The following FGF14 variants were observed in gnomAD, a reference collection of about 807,000 sequenced individuals.
FGF14 encodes the protein fibroblast growth factor 14, also known as fibroblast growth factor homologous factor 4.
Under a neutral mutation model 25.5 loss-of-function variants are expected in FGF14, and 5 were observed. That is an observed-to-expected ratio of 0.20 (90% CI 0.10 to 0.41). The LOEUF is 0.41. Among genes scored for constraint, FGF14 ranks in the 10% least tolerant of loss-of-function variants. FGF14 has a pLI of 1.00. For missense variants in FGF14, 222 were observed against 320.1 expected, an observed-to-expected ratio of 0.69 and a Z score of 2.34; for synonymous variants, 138 against 118.3, an observed-to-expected ratio of 1.17 and a Z score of -1.08.
intron 1 of FGF14, among the ~76,000 whole-genome samples, chr13:102,107,071 A>C (rs1234652330): frequency 2.0e-5 from 3 of 152,224 alleles, no homozygotes; most frequent in African/African-American, 7.2e-5. Context: ...GTTTGGGCTT[A>C]TTTGAACTTC....
chr13:102,045,487 A>C (rs553456778), intron 1 of FGF14, among the ~76,000 whole-genome samples: 21 of 152,252 alleles, frequency 1.4e-4, no homozygotes, highest in Admixed American at 8.5e-4. Context: ...AGGACAACTC[A>C]TTGTCTGATT....
At chr13:102,280,483 C>A (rs2053773858) in intron 1 of FGF14, among the ~76,000 whole-genome samples, 1 of 152,120 alleles carries the variant, frequency 6.6e-6, no homozygotes, top group Non-Finnish European at 1.5e-5. Context: ...AGAGGGCAAG[C>A]CATCAGTGAG....
chr13:101,948,571 C>G (rs758849703), intron 1 of FGF14, among the ~76,000 whole-genome samples: 1 of 151,674 alleles, frequency 6.6e-6, no homozygotes, highest in Admixed American at 6.6e-5. Flanking sequence ...ATCACAAATG[C>G]AAATATTAAA....
chr13:101,758,908 C>T (rs1210298335), intron 3 of FGF14, among the ~76,000 whole-genome samples: 1 of 152,162 alleles, frequency 6.6e-6, no homozygotes, highest in Non-Finnish European at 1.5e-5. Flanking sequence ...TGCTTTGAGA[C>T]AATCTGACTT....
intron 1 of FGF14, among the ~76,000 whole-genome samples, chr13:102,303,271 A>T (rs2055173170): frequency 6.6e-6 from 1 of 152,186 alleles, no homozygotes; most frequent in African/African-American, 2.4e-5. Context: ...TACACAAAAC[A>T]GCATCTGCTC....
chr13:102,020,403 C>G (rs2040574609), intron 1 of FGF14, among the ~76,000 whole-genome samples: 1 of 151,874 alleles, frequency 6.6e-6, no homozygotes, highest in African/African-American at 2.4e-5. Context: ...ACAAAATTAG[C>G]CAGGCGTGGT....
chr13:101,901,700 T>G (rs1204335129), intron 1 of FGF14, among the ~76,000 whole-genome samples: 1 of 151,994 alleles, frequency 6.6e-6, no homozygotes, highest in Non-Finnish European at 1.5e-5. Flanking sequence ...CAAGACTCTG[T>G]CTCAAAAAAC....
intron 1 of FGF14, among the ~76,000 whole-genome samples, chr13:102,245,361 T>C (rs1326246845): frequency 6.6e-6 from 1 of 152,118 alleles, no homozygotes; most frequent in African/African-American, 2.4e-5. Flanking sequence ...GAAATGTCTT[T>C]AAAGTATTTA....
In FGF14 at chr13:101,850,469, T is replaced by G. The variant is rs186949281; in HGVS notation, c.408+18256A>C. ...ACTCTGTCTCTAAAGGCAATATATA[T>G]ATATATATATATATATATATATATA... is the stretch of plus-strand genomic sequence containing the variant. On this transcript the variant is annotated intron_variant, in intron 3 of 4. Transcript: ENST00000376143. 4.7e-3 allele frequency among the ~76,000 whole-genome samples: 32 copies of G among 6,844 alleles called. 1 individual carries two copies. Among genetic ancestry groups the G allele is most frequent in the African/African-American group, 0.025 (32 of 1,304 alleles). 4.5% of individuals were successfully genotyped at this position (6,844 alleles called of 152,430 possible).
intron 1 of FGF14, among the ~76,000 whole-genome samples, chr13:102,377,699 T>C (rs1297195650): frequency 6.6e-6 from 1 of 152,074 alleles, no homozygotes; most frequent in Non-Finnish European, 1.5e-5. Flanking sequence ...TCCCAGCTAC[T>C]CAGGAGGCTG....
At chr13:101,996,907 A>T (rs72662483) in intron 1 of FGF14, among the ~76,000 whole-genome samples, 1 of 152,200 alleles carries the variant, frequency 6.6e-6, no homozygotes. Flanking sequence ...TTATAAAACA[A>T]GTGTAGGAAG....
chr13:101,807,671 C>T (rs1165807587), intron 3 of FGF14, among the ~76,000 whole-genome samples: 1 of 151,846 alleles, frequency 6.6e-6, no homozygotes, highest in Non-Finnish European at 1.5e-5. Context: ...CTGAGTATAT[C>T]CAATTTCTAT....
At chr13:101,956,037 A>G (rs2139424940) in intron 1 of FGF14, among the ~76,000 whole-genome samples, 1 of 152,348 alleles carries the variant, frequency 6.6e-6, no homozygotes, top group Non-Finnish European at 1.5e-5. Flanking sequence ...AGAGAGAAAT[A>G]TAAGGAAGAA....
At chr13:102,148,388 AT>A (rs2046941605) in intron 1 of FGF14, among the ~76,000 whole-genome samples, 1 of 152,196 alleles carries the variant, frequency 6.6e-6, no homozygotes, top group African/African-American at 2.4e-5. Flanking sequence ...TTGTCTTATA[AT>A]TTGGTTCAAT....
chr13:102,201,806 T>C (rs747116060), intron 1 of FGF14, among the ~76,000 whole-genome samples: 4 of 152,170 alleles, frequency 2.6e-5, no homozygotes, highest in Non-Finnish European at 5.9e-5. Flanking sequence ...AAGAATAATG[T>C]TTCCCTATTT....
intron 1 of FGF14, among the ~76,000 whole-genome samples, chr13:102,382,583 C>T (rs2058209769): frequency 6.6e-6 from 1 of 152,098 alleles, no homozygotes; most frequent in South Asian, 2.1e-4. Flanking sequence ...AAATGTTAAA[C>T]ATAGATTATC....
At chr13:101,807,598 T>C (rs2041272739) in intron 3 of FGF14, among the ~76,000 whole-genome samples, 1 of 152,102 alleles carries the variant, frequency 6.6e-6, no homozygotes, top group Non-Finnish European at 1.5e-5. Flanking sequence ...TTGGAAAGAA[T>C]AAAATATATA....
At chr13:102,114,984 A>G (rs2045401101) in intron 1 of FGF14, among the ~76,000 whole-genome samples, 1 of 152,204 alleles carries the variant, frequency 6.6e-6, no homozygotes, top group African/African-American at 2.4e-5. Context: ...CTTACAGTAA[A>G]ATAAAATAAA....
At chr13:101,933,726 AAAACAAAC>A (rs949855546) in intron 1 of FGF14, among the ~76,000 whole-genome samples, 1 of 152,220 alleles carries the variant, frequency 6.6e-6, no homozygotes, top group East Asian at 1.9e-4. Flanking sequence ...TCTATCTCAA[AAAACAAAC>A]AAACAAACAA....
Sources: gnomAD v4.1 joint callset for allele counts (sites outside exome capture counted in the v4.1 genomes callset) on GRCh38, gnomAD v4.1.1 for gene constraint, MANE v1.5 for transcripts, NCBI Gene and HGNC (gene_info 2026-07-23, HGNC 2026-07-21) for gene names.